The following GNAT1 variants were observed in gnomAD, a reference collection of about 807,000 sequenced individuals.
The protein encoded by GNAT1 is G protein subunit alpha transducin 1.
Under a neutral mutation model 40.0 loss-of-function variants are expected in GNAT1, and 36 were observed. The ratio of observed to expected loss-of-function variants is 0.90; its 90% confidence interval spans 0.69 to 1.19. The LOEUF (loss-of-function observed/expected upper bound fraction) is 1.19, where lower values mean the gene tolerates loss of function less well. GNAT1 is among the 50% of genes most tolerant of loss of function. The probability of loss-of-function intolerance (pLI) is 0.00; values close to 1 mark genes in which losing one functional copy is unlikely to be tolerated. For synonymous variants in GNAT1, 195 were observed against 192.9 expected (o/e 1.01, Z -0.09); for missense variants, 413 against 480.6 (o/e 0.86, Z 1.32).
In GNAT1 at chr3:50,193,430, G is replaced by A; in HGVS notation, c.291+24G>A. On this transcript the variant is annotated intron_variant, in intron 3 of 8. Coordinates refer to ENST00000232461, the MANE Select transcript of GNAT1 (RefSeq NM_144499.3). The surrounding 1 kb of genome is among the most constrained non-coding windows in gnomAD (Gnocchi z 8.1). ...AGGTGTGCCAGGAGGCGGGCTGAGCGGGCCTCTGGGGACTCGAGGCTCGCG... is the reference window on the plus strand; with the variant it reads ...AGGTGTGCCAGGAGGCGGGCTGAGCAGGCCTCTGGGGACTCGAGGCTCGCG... The A allele has an allele frequency of 6.2e-7, 1 of 1,613,442 alleles. No individual in the cohort carries two copies. The highest frequency in any genetic ancestry group is 8.5e-7 in the Non-Finnish European group (1 of 1,179,910).
rs752370885 is a variant in GNAT1, at chr3:50,194,616, A to G, written c.824A>G (p.Lys275Arg). 12 of 1,613,648 alleles carry G rather than the reference A, an allele frequency of 7.4e-6. No individual in the cohort carries two copies. In the South Asian group the frequency reaches 7.7e-5, roughly 10 times the overall value. The change falls in exon 7 of 9, where the codon AAG becomes AGG. Residue 275 changes from lysine (K) to arginine (R), a missense_variant. Lys to Arg is a conservative substitution (Grantham distance 26, BLOSUM62 2). Transcript: ENST00000232461. This position sits in a 1 kb window ranked among gnomAD's most constrained non-coding sequence, Gnocchi z 6.1. ...NKKDVFFEKI[K>R]KAHLSICFPD... ...AAGGACGTCTTCTTCGAGAAGATCAAGAAGGCGCACCTCAGCATCTGTTTC... is the reference window on the plus strand; with the variant it reads ...AAGGACGTCTTCTTCGAGAAGATCAGGAAGGCGCACCTCAGCATCTGTTTC...
Position 50,193,311 on chromosome 3 carries a change from A to C in GNAT1, c.196A>C (p.Ile66Leu). Residue 66 changes from isoleucine to leucine, a missense_variant, in exon 3 of 9, where the codon ATC becomes CTC. Physicochemically the swap from Ile to Leu is conservative, Grantham distance 5. Transcript: ENST00000232461. The surrounding 1 kb of genome is among the most constrained non-coding windows in gnomAD (Gnocchi z 8.1). ...GYSLEECLEF[I>L]AIIYGNTLQS... The stretch of plus-strand genomic sequence containing the variant: ...CTCGCTGGAAGAGTGCCTCGAGTTT[A>C]TCGCCATCATCTACGGCAACACGTT... 1 of 1,614,096 alleles carries C rather than the reference A, an allele frequency of 6.2e-7. No individual in the cohort carries two copies. Among genetic ancestry groups the C allele is most frequent in the Non-Finnish European group, 8.5e-7 (1 of 1,179,962 alleles).
At chr3:50,195,190 G>C in intron 8 of GNAT1, 78 bp from the exon 9 acceptor site, 1 of 584,230 alleles carries the variant, frequency 1.7e-6, no homozygotes, top group South Asian at 2.0e-5. Flanking sequence ...ACAGCTTCCA[G>C]GGCCGCCCCA....
Position 50,193,457 on chromosome 3 carries a change from C to G in GNAT1, c.292-49C>G. The G allele has an allele frequency of 6.2e-7, 1 of 1,608,706 alleles. No individual in the cohort carries two copies. The highest frequency in any genetic ancestry group is 8.5e-7 in the Non-Finnish European group (1 of 1,178,544). The stretch of plus-strand genomic sequence containing the variant: ...GCCTCTGGGGACTCGAGGCTCGCGG[C>G]TGGGCCCGAGTCCCTGGCCGCCACC... On this transcript the variant is annotated intron_variant, in intron 3 of 8. Transcript: ENST00000232461. This position sits in a 1 kb window ranked among gnomAD's most constrained non-coding sequence, Gnocchi z 8.1.
rs377424349 is a variant in GNAT1, at chr3:50,194,251, G to C, written c.708+30G>C. On this transcript the variant is annotated intron_variant, in intron 6 of 8. Transcript: ENST00000232461. This position sits in a 1 kb window ranked among gnomAD's most constrained non-coding sequence, Gnocchi z 6.1. ...GTGCCAGGCAGGGCCTGTGTTCCAG[G>C]GGGGCGAGGAGGAGCTGCTGGTCCC... is the stretch of plus-strand genomic sequence containing the variant. The C allele has an allele frequency of 6.3e-6, 10 of 1,585,082 alleles. No individual in the cohort carries two copies. Among genetic ancestry groups the C allele is most frequent in the South Asian group, 2.3e-5 (2 of 88,202 alleles).
Position 50,193,195 on chromosome 3 carries a change from C to G in GNAT1, c.149+20C>G. 6.2e-7 allele frequency: 1 copy of G among 1,613,938 alleles called. No homozygotes were observed. The highest frequency in any genetic ancestry group is 8.5e-7 in the Non-Finnish European group (1 of 1,179,858). On this transcript the variant is annotated intron_variant, in intron 2 of 8. Transcript: ENST00000232461. The surrounding 1 kb of genome is among the most constrained non-coding windows in gnomAD (Gnocchi z 8.1). ...GATGAAGTGAGTGCCCCTGCCTGTCCCGAGGCCCCTGGGTCTGGGTCCTTC... is the reference window on the plus strand; with the variant it reads ...GATGAAGTGAGTGCCCCTGCCTGTCGCGAGGCCCCTGGGTCTGGGTCCTTC...
At position 50,194,735 on chromosome 3, in the gene GNAT1, T is replaced by C. The variant is rs1318710995; in HGVS notation, c.863-30T>C. 7 of 1,611,994 alleles carry C rather than the reference T, an allele frequency of 4.3e-6. No homozygotes were observed. The highest frequency in any genetic ancestry group is 5.9e-6 in the Non-Finnish European group (7 of 1,179,130). ...ACCCCCCGCACGGGGAAGGAAGGGCTGAGCAGAGTGAGAGCTCCCGCCCCC... is the reference window on the plus strand; with the variant it reads ...ACCCCCCGCACGGGGAAGGAAGGGCCGAGCAGAGTGAGAGCTCCCGCCCCC... On this transcript the variant is annotated intron_variant, in intron 7 of 8. Coordinates refer to ENST00000232461, the MANE Select transcript of GNAT1 (RefSeq NM_144499.3). This position sits in a 1 kb window ranked among gnomAD's most constrained non-coding sequence, Gnocchi z 6.1.
Position 50,194,784 on chromosome 3 carries a change from C to T in GNAT1, c.882C>T (p.Asp294=), listed in dbSNP as rs775329814. 91 of 1,613,684 alleles carry T rather than the reference C, an allele frequency of 5.6e-5. No homozygotes were observed. The highest frequency in any genetic ancestry group is 7.5e-5 in the Non-Finnish European group (88 of 1,179,974). The change falls in exon 8 of 9, where the codon GAC becomes GAT. Residue 294 remains aspartate (D), a synonymous_variant. Transcript: ENST00000232461. This position sits in a 1 kb window ranked among gnomAD's most constrained non-coding sequence, Gnocchi z 6.1. The part of the protein sequence containing the change: ...PDYDGPNTYE[D]AGNYIKVQFL... ...CCGCAGGACCCAACACCTACGAGGACGCCGGCAACTACATCAAGGTGCAGT... is the reference window on the plus strand; with the variant it reads ...CCGCAGGACCCAACACCTACGAGGATGCCGGCAACTACATCAAGGTGCAGT...
Position 50,191,624 on chromosome 3 carries a change from C to T in GNAT1, c.-102C>T, listed in dbSNP as rs1216915325. 3.6e-6 allele frequency: 3 copies of T among 831,514 alleles called. No homozygotes were observed. The highest frequency in any genetic ancestry group is 6.3e-6 in the Non-Finnish European group (3 of 479,334). The allele number at this position is 831,514 out of a possible 1,614,324, so 51.5% of individuals were successfully genotyped here. ...CGTAGAGAGCCAGTTGATTGCAGGT[C>T]CTCCTGGGGCCAGAAGGGTGCCTGG... On this transcript the variant is annotated 5_prime_UTR_variant, in exon 1 of 9. Coordinates refer to ENST00000232461, the MANE Select transcript of GNAT1 (RefSeq NM_144499.3).
At chr3:50,195,132 T>G in intron 8 of GNAT1, 136 bp from the exon 9 acceptor site, 2 of 564,198 alleles carry the variant, frequency 3.5e-6, no homozygotes, top group East Asian at 2.9e-5. Flanking sequence ...ACCCCACAAG[T>G]CCCACCCATT....
rs1272845943 is a variant in GNAT1, at chr3:50,193,868, G to A, written c.565G>A (p.Asp189Asn). The A allele has an allele frequency of 2.5e-6, 4 of 1,613,216 alleles. No individual in the cohort carries two copies. Among genetic ancestry groups the A allele is most frequent in the Non-Finnish European group, 2.5e-6 (3 of 1,179,960 alleles). Residue 189 changes from aspartate to asparagine, a missense_variant, in exon 5 of 9, where the codon GAT (aspartate) becomes AAT (asparagine). Asp to Asn is a conservative substitution (Grantham distance 23). Transcript: ENST00000232461. The surrounding 1 kb of genome is among the most constrained non-coding windows in gnomAD (Gnocchi z 8.1). ...CATCGAGACGCAGTTCTCCTTCAAG[G>A]ATCTCAACTTCCGGTACGACCCATA... is the stretch of plus-strand genomic sequence containing the variant. ...GIIETQFSFK[D>N]LNFRMFDVGG...
rs376181136 is a variant in GNAT1 at position 50,193,503 on chromosome 3, C to T, written c.292-3C>T. ...CCACCAGCCACTCTCACCCTGCCCCCAGGACGACGCCCGGAAGCTGATGCA... is the reference window on the plus strand; with the variant it reads ...CCACCAGCCACTCTCACCCTGCCCCTAGGACGACGCCCGGAAGCTGATGCA... On this transcript the variant is annotated splice_region_variant and splice_polypyrimidine_tract_variant and intron_variant, in intron 3 of 8. Transcript: ENST00000232461. The surrounding 1 kb of genome is among the most constrained non-coding windows in gnomAD (Gnocchi z 8.1). The T allele has an allele frequency of 3.5e-5, 57 of 1,613,266 alleles. 3 individuals are homozygous for T. The highest frequency in any genetic ancestry group is 1.3e-4 in the Admixed American group (8 of 60,010).
At chr3:50,195,243 T>A (rs1310961925) in intron 8 of GNAT1, 25 bp from the exon 9 acceptor site, 2 of 502,728 alleles carry the variant, frequency 4.0e-6, no homozygotes, top group Non-Finnish European at 7.3e-6. Context: ...GTCTCAGGGA[T>A]GCTGACTGGG....
chr3:50,194,463 C>G lies in GNAT1; in HGVS notation c.709-38C>G. On this transcript the variant is annotated intron_variant, in intron 6 of 8. Coordinates refer to ENST00000232461, the MANE Select transcript of GNAT1 (RefSeq NM_144499.3). This position sits in a 1 kb window ranked among gnomAD's most constrained non-coding sequence, Gnocchi z 6.1. ...CAGAGAGCAGGTGCTGCGGGTCGGA[C>G]GCTACCCCGGGTGCCCAACAGCTGC... The G allele has an allele frequency of 6.2e-7, 1 of 1,608,682 alleles. No individual in the cohort carries two copies. Among genetic ancestry groups the G allele is most frequent in the Non-Finnish European group, 8.5e-7 (1 of 1,177,874 alleles).
At position 50,196,042 on chromosome 3, in the gene GNAT1, A is replaced by AACAGGATG. The variant is rs1456270044; in HGVS notation, c.*777_*784dup. On this transcript the variant is annotated 3_prime_UTR_variant, in exon 9 of 9. Transcript: ENST00000232461. ...ACACAGTACCCTGGGCTGGTTGGAC[A>AACAGGATG]ACAGGATGGTGTGTTAAGGGGTTAA... 1 of 152,358 alleles carries AACAGGATG rather than the reference A, an allele frequency of 6.6e-6. No individual in the cohort carries two copies. The highest frequency in any genetic ancestry group is 2.4e-5 in the African/African-American group (1 of 41,456). 9.4% of individuals were successfully genotyped at this position (152,358 alleles called of 1,614,324 possible). A position where few individuals can be genotyped will look rare whatever the true frequency, so the allele number is the denominator to read the frequency against.
In GNAT1 at chr3:50,194,015, C is replaced by T. The variant is rs1312462723; in HGVS notation, c.579-77C>T. Reference sequence around the variant, plus strand: ...AAAGGGTGGTAGTCCCGGCCGAGAGCTCCCCGACCAGCACAGGGCGAAGGG... The same window carrying T: ...AAAGGGTGGTAGTCCCGGCCGAGAGTTCCCCGACCAGCACAGGGCGAAGGG... On this transcript the variant is annotated intron_variant, in intron 5 of 8. Transcript: ENST00000232461. The surrounding 1 kb of genome is among the most constrained non-coding windows in gnomAD (Gnocchi z 6.1). 2 of 1,605,758 alleles carry T rather than the reference C, an allele frequency of 1.2e-6. No homozygotes were observed. The highest frequency in any genetic ancestry group is 1.7e-5 in the Admixed American group (1 of 59,910).
intron 1 of GNAT1, chr3:50,192,777 G>T (rs371619324): frequency 6.5e-6 from 3 of 458,986 alleles, no homozygotes; most frequent in South Asian, 6.4e-5. Context: ...CGGTACCAGA[G>T]GCTCCCACGA....
In GNAT1 at chr3:50,193,819, C is replaced by T. The variant is rs759127799; in HGVS notation, c.516C>T (p.Arg172=). Residue 172 remains arginine, a synonymous_variant, in exon 5 of 9, where the codon CGC becomes CGT. Transcript: ENST00000232461. This position sits in a 1 kb window ranked among gnomAD's most constrained non-coding sequence, Gnocchi z 8.1. ...TGCCCACCGAGCAGGACGTGCTGCG[C>T]TCGCGAGTCAAGACCACTGGCATCA... ...GYVPTEQDVL[R]SRVKTTGIIE... is the part of the protein sequence containing the mutation. The T allele has an allele frequency of 3.7e-6, 6 of 1,613,114 alleles. No individual in the cohort carries two copies. The highest frequency in any genetic ancestry group is 5.1e-6 in the Non-Finnish European group (6 of 1,179,942).
Position 50,197,406 on chromosome 3 carries a change from T to C in GNAT1, c.*2140T>C, listed in dbSNP as rs1699518886. ...TCCTGCCTTCCCCCGGCTCCTGGCA[T>C]CCACCATTCTACTTTCCATCTCTAT... On this transcript the variant is annotated 3_prime_UTR_variant, in exon 9 of 9. Coordinates refer to ENST00000232461, the MANE Select transcript of GNAT1 (RefSeq NM_144499.3). Among the ~76,000 whole-genome samples the C allele has an allele frequency of 6.6e-6, 1 of 152,170 alleles. No individual in the cohort carries two copies. The highest frequency in any genetic ancestry group is 1.5e-5 in the Non-Finnish European group (1 of 68,034).
Sources: gnomAD v4.1 joint callset for allele counts (sites outside exome capture counted in the v4.1 genomes callset) on GRCh38, gnomAD v4.1.1 for gene constraint, Gnocchi (gnomAD v3.1) non-coding constraint, MANE v1.5 for transcripts, NCBI Gene and HGNC (gene_info 2026-07-23, HGNC 2026-07-21) for gene names.